Variants in TNFSF15 observed in about 807,000 individuals in gnomAD.
TNFSF15 encodes the protein tumor necrosis factor ligand superfamily member 15.
TNFSF15 carries 15 observed loss-of-function variants against 26.4 expected under a neutral mutation model. That is an observed-to-expected ratio of 0.57 (90% CI 0.38 to 0.87). The LOEUF (loss-of-function observed/expected upper bound fraction) is 0.87. Ranked by LOEUF, TNFSF15 falls within the 40% of genes least tolerant of loss-of-function variation. The probability of loss-of-function intolerance (pLI) is 0.00; values close to 1 mark genes in which losing one functional copy is unlikely to be tolerated. For missense variants in TNFSF15, 290 were observed against 306.1 expected (o/e 0.95, Z 0.39); for synonymous variants, 116 against 115.0 (o/e 1.01, Z -0.06).
At chr9:114,800,385 G>T (rs1829730074) in intron 1 of TNFSF15, among the ~76,000 whole-genome samples, 1 of 152,126 alleles carries the variant, frequency 6.6e-6, no homozygotes. Context: ...GGAGGAAGAG[G>T]ACTGGCATTT....
chr9:114,800,140 G>A (rs896122205), intron 1 of TNFSF15, among the ~76,000 whole-genome samples: 1 of 152,128 alleles, frequency 6.6e-6, no homozygotes, highest in East Asian at 1.9e-4. Context: ...GGGAGGGGGA[G>A]GGGGAGGGAA....
At chr9:114,792,511 C>T (rs55737197) in intron 2 of TNFSF15, 57 bp from the exon 3 acceptor site, 41,053 of 1,611,988 alleles carry the variant, frequency 0.025, 609 homozygotes, top group South Asian at 0.04. Context: ...GAAATGAAGA[C>T]GGCCCTTTGT....
At chr9:114,792,299 G>C in intron 3 of TNFSF15, 108 bp downstream of exon 3, 1 of 1,343,186 alleles carries the variant, frequency 7.4e-7, no homozygotes. Flanking sequence ...TCTTACCAAG[G>C]AATGTAGTTT....
At chr9:114,797,645 G>A (rs1829688756) in intron 1 of TNFSF15, among the ~76,000 whole-genome samples, 1 of 152,212 alleles carries the variant, frequency 6.6e-6, no homozygotes, top group South Asian at 2.1e-4. Context: ...AATGTCTTCT[G>A]TGTTCCAGCC....
At chr9:114,799,195 A>G (rs1296828056) in intron 1 of TNFSF15, among the ~76,000 whole-genome samples, 2 of 152,224 alleles carry the variant, frequency 1.3e-5, no homozygotes, top group Admixed American at 1.3e-4. Flanking sequence ...TGGAAATCCC[A>G]GCTCCATTAT....
rs1829468774 is a variant in TNFSF15, at chr9:114,784,716, A to G, written c.*5736T>C. On this transcript the variant is annotated 3_prime_UTR_variant, in exon 4 of 4. Transcript: ENST00000374045. Reference sequence around the variant, plus strand: ...AATATATTAACACATACAACATTTCATTTACAGAGATTAGAATTCATACAC... The same window carrying G: ...AATATATTAACACATACAACATTTCGTTTACAGAGATTAGAATTCATACAC... 1 of 152,224 alleles carries G rather than the reference A, an allele frequency of 6.6e-6. No individual in the cohort carries two copies. The highest frequency in any genetic ancestry group is 6.5e-5 in the Admixed American group (1 of 15,284). 9.4% of individuals were successfully genotyped at this position (152,224 alleles called of 1,614,324 possible).
chr9:114,792,299 G>A, intron 3 of TNFSF15, 108 bp downstream of exon 3: 1 of 1,343,186 alleles, frequency 7.4e-7, no homozygotes. Context: ...TCTTACCAAG[G>A]AATGTAGTTT....
chr9:114,800,163 A>C (rs1325079558), intron 1 of TNFSF15, among the ~76,000 whole-genome samples: 1 of 152,128 alleles, frequency 6.6e-6, no homozygotes, highest in Admixed American at 6.5e-5. Context: ...ATGTCTGCTG[A>C]GCATCTATTC....
intron 1 of TNFSF15, among the ~76,000 whole-genome samples, chr9:114,803,296 C>T (rs146551498): frequency 3.3e-5 from 5 of 152,292 alleles, no homozygotes; most frequent in African/African-American, 9.6e-5. Context: ...GCATGCGGCT[C>T]TCCCCACATT....
At chr9:114,793,442 T>A in intron 2 of TNFSF15, 84 bp downstream of exon 2, 1 of 1,489,466 alleles carries the variant, frequency 6.7e-7, no homozygotes, top group South Asian at 1.1e-5. Context: ...ACTTAAAGAC[T>A]CATCTCTGAA....
intron 1 of TNFSF15, among the ~76,000 whole-genome samples, chr9:114,800,408 C>A (rs995135592): frequency 1.3e-5 from 2 of 152,140 alleles, no homozygotes; most frequent in African/African-American, 4.8e-5. Context: ...TGAGCACTTA[C>A]TATGGGGTAG....
intron 1 of TNFSF15, among the ~76,000 whole-genome samples, chr9:114,794,153 A>G (rs148179128): frequency 1.6e-3 from 250 of 152,358 alleles, no homozygotes; most frequent in African/African-American, 5.3e-3. Context: ...TTGTTCCACC[A>G]TTTATTAACA....
chr9:114,801,803 T>C (rs527851723), intron 1 of TNFSF15, among the ~76,000 whole-genome samples: 22 of 152,324 alleles, frequency 1.4e-4, no homozygotes, highest in Non-Finnish European at 2.6e-4. Flanking sequence ...AACAGTTTTA[T>C]TATTTCTATA....
intron 1 of TNFSF15, 29 bp downstream of exon 1, chr9:114,805,774 C>G: frequency 6.2e-7 from 1 of 1,607,898 alleles, no homozygotes. Flanking sequence ...CACTGCTCCT[C>G]CCCAAGGTCA....
chr9:114,795,170 T>A (rs1230567963), intron 1 of TNFSF15, among the ~76,000 whole-genome samples: 2 of 152,114 alleles, frequency 1.3e-5, no homozygotes, highest in East Asian at 1.9e-4. Flanking sequence ...ATATAAAATA[T>A]TATGTATCAA....
In TNFSF15 at chr9:114,793,168, A is replaced by G. The variant is rs186706779; in HGVS notation, c.253+358T>C. Among the ~76,000 whole-genome samples, 20 of 152,368 alleles carry G rather than the reference A, an allele frequency of 1.3e-4. No homozygotes were observed. In the East Asian group the frequency reaches 3.9e-3, roughly 29 times the overall value. ...CTAGACATTGTTCTAACTCCTTTAT[A>G]GGAATTAACTGATTTAATTCACATT... On this transcript the variant is annotated intron_variant, in intron 2 of 3. Coordinates refer to ENST00000374045, the MANE Select transcript of TNFSF15 (RefSeq NM_005118.4).
At chr9:114,791,341 T>G (rs1829594893) in intron 3 of TNFSF15, 2 of 228,060 alleles carry the variant, frequency 8.8e-6, no homozygotes, top group East Asian at 1.1e-4. Context: ...ACCCTTCAAA[T>G]TCCCATTCTT....
chr9:114,786,725 A>T lies in TNFSF15; in HGVS notation c.*3727T>A, dbSNP rs1829507127. On this transcript the variant is annotated 3_prime_UTR_variant, in exon 4 of 4. Coordinates refer to ENST00000374045, the MANE Select transcript of TNFSF15 (RefSeq NM_005118.4). Reference sequence around the variant, plus strand: ...CAGGAGATCGAGACCATCCTGGCTAACACGGTGAAACCCCGTCTCTACTAA... The same window carrying T: ...CAGGAGATCGAGACCATCCTGGCTATCACGGTGAAACCCCGTCTCTACTAA... 6.6e-6 allele frequency: 1 copy of T among 152,078 alleles called. No homozygotes were observed. The highest frequency in any genetic ancestry group is 2.1e-4 in the South Asian group (1 of 4,820). The allele number at this position is 152,078 out of a possible 1,614,324, so 9.4% of individuals were successfully genotyped here. A position where few individuals can be genotyped will look rare whatever the true frequency, so the allele number is the denominator to read the frequency against.
chr9:114,799,548 C>T (rs1236889652), intron 1 of TNFSF15, among the ~76,000 whole-genome samples: 1 of 152,202 alleles, frequency 6.6e-6, no homozygotes, highest in Non-Finnish European at 1.5e-5. Context: ...GGCTTTTGAA[C>T]TTCTGCCCTT....
Sources: gnomAD v4.1 joint callset for allele counts (sites outside exome capture counted in the v4.1 genomes callset) on GRCh38, gnomAD v4.1.1 for gene constraint, MANE v1.5 for transcripts, NCBI Gene and HGNC (gene_info 2026-07-23, HGNC 2026-07-21) for gene names.